GPALPP1: variants seen among roughly 807,000 people sequenced by gnomAD.
The protein encoded by GPALPP1 is GPALPP motifs-containing protein 1.
A neutral mutation model predicts 38.9 loss-of-function variants in GPALPP1; 30 were observed. The ratio of observed to expected loss-of-function variants is 0.77; its 90% CI spans 0.58 to 1.05. The LOEUF is 1.05. Ranked by LOEUF, GPALPP1 falls within the 50% of genes least tolerant of loss-of-function variation. The pLI is 0.00. For synonymous variants in GPALPP1, 120 were observed against 139.2 expected (o/e 0.86, Z 0.97); for missense variants, 384 against 408.8 (o/e 0.94, Z 0.52).
chr13:45,018,710 C>A (rs1344429251), intron 6 of GPALPP1, among the ~76,000 whole-genome samples: 1 of 151,638 alleles, frequency 6.6e-6, no homozygotes, highest in East Asian at 1.9e-4. Context: ...TGCTTAGAGA[C>A]CAGTGGTTTT....
chr13:44,993,736 C>G (rs1873030847), intron 1 of GPALPP1, among the ~76,000 whole-genome samples: 1 of 150,740 alleles, frequency 6.6e-6, no homozygotes, highest in South Asian at 2.1e-4. Context: ...AGCAGCTGCA[C>G]CATTTTACAT....
intron 6 of GPALPP1, 145 bp downstream of exon 6, chr13:45,015,741 T>C (rs1874820445): frequency 4.0e-6 from 2 of 504,406 alleles, no homozygotes; most frequent in African/African-American, 2.0e-5. Flanking sequence ...GGAGGAAGAG[T>C]ATGAGGAAGG....
downstream of GPALPP1, chr13:45,034,624 A>G (rs1019563471): frequency 6.6e-6 from 1 of 152,028 alleles, no homozygotes; most frequent in Non-Finnish European, 1.5e-5. Context: ...TTGGGTCTTC[A>G]TAGTGTCTAC....
intron 4 of GPALPP1, among the ~76,000 whole-genome samples, chr13:45,014,672 A>G (rs546123688): frequency 3.3e-5 from 5 of 152,264 alleles, no homozygotes; most frequent in Admixed American, 1.3e-4. Context: ...CTAAGTCTAC[A>G]TCTGTGTCCT....
chr13:44,990,320 T>G (rs996737045), intron 1 of GPALPP1: 2 of 179,738 alleles, frequency 1.1e-5, no homozygotes, highest in Non-Finnish European at 2.3e-5. Context: ...GCTCTAGGCT[T>G]CTGGGCTTCC....
rs34893767 is a variant in GPALPP1, at chr13:45,019,879, A to ATTTTT, written c.706-432_706-428dup. Among the ~76,000 whole-genome samples, 30 of 85,574 alleles carry ATTTTT rather than the reference A, an allele frequency of 3.5e-4. 1 individual carries two copies. Among genetic ancestry groups the ATTTTT allele is most frequent in the East Asian group, 7.7e-4 (2 of 2,600 alleles). 56.1% of individuals were successfully genotyped at this position (85,574 alleles called of 152,430 possible). ...TCTTATCAAGTATGTTAATATTTTG[A>ATTTTT]TTTTTTTTTTTTTTTTTTTTTTTGA... On this transcript the variant is annotated intron_variant, in intron 6 of 7. Coordinates refer to ENST00000379151, the MANE Select transcript of GPALPP1 (RefSeq NM_018559.5).
At chr13:45,000,220 C>T (rs1185404862) in intron 1 of GPALPP1, among the ~76,000 whole-genome samples, 2 of 151,920 alleles carry the variant, frequency 1.3e-5, no homozygotes, top group African/African-American at 2.4e-5. Flanking sequence ...CGTTCAAGAC[C>T]AAGCTGGACA....
intron 1 of GPALPP1, among the ~76,000 whole-genome samples, chr13:45,003,016 T>G (rs918325583): frequency 1.3e-5 from 2 of 152,226 alleles, no homozygotes; most frequent in African/African-American, 4.8e-5. Context: ...TCTTAATTCT[T>G]TTAATGTTTG....
At chr13:44,995,169 A>AAAACACACAC (rs1873160259) in intron 1 of GPALPP1, among the ~76,000 whole-genome samples, 1 of 128,534 alleles carries the variant, frequency 7.8e-6, no homozygotes, top group Non-Finnish European at 1.6e-5. Flanking sequence ...CCTATCTTTA[A>AAAACACACAC]ACACACACAC....
At chr13:44,993,843 A>T (rs1873044467) in intron 1 of GPALPP1, among the ~76,000 whole-genome samples, 1 of 150,440 alleles carries the variant, frequency 6.6e-6, no homozygotes, top group Non-Finnish European at 1.5e-5. Context: ...AGTCATCCTA[A>T]TGAGTGTGAA....
chr13:45,009,434 T>G (rs945082839), intron 4 of GPALPP1, among the ~76,000 whole-genome samples: 8 of 152,204 alleles, frequency 5.3e-5, no homozygotes, highest in Admixed American at 2.0e-4. Context: ...ATTTTCCCTG[T>G]ATGTGGACCT....
Position 45,014,996 on chromosome 13 carries a change from T to C in GPALPP1, c.453T>C (p.Pro151=). The part of the protein sequence containing the change: ...SEDEDIIGPM[P]AKGPVNYNVT... Reference sequence around the variant, plus strand: ...ATGAGGATATTATTGGACCAATGCCTGCAAAAGGACCAGTTAACTATAATG... The same window carrying C: ...ATGAGGATATTATTGGACCAATGCCCGCAAAAGGACCAGTTAACTATAATG... Residue 151 remains proline, a synonymous_variant, in exon 5 of 8, where the codon CCT becomes CCC. Coordinates refer to ENST00000379151, the MANE Select transcript of GPALPP1 (RefSeq NM_018559.5). 6.2e-7 allele frequency: 1 copy of C among 1,605,936 alleles called. No individual in the cohort carries two copies. The highest frequency in any genetic ancestry group is 8.5e-7 in the Non-Finnish European group (1 of 1,173,830).
At chr13:45,031,038 C>T (rs1876171802), downstream of GPALPP1, 1 of 152,118 alleles carries the variant, frequency 6.6e-6, no homozygotes, top group Admixed American at 6.5e-5. Context: ...TGCCTGTAAT[C>T]CCAGCTACTC....
intron 1 of GPALPP1, among the ~76,000 whole-genome samples, chr13:44,993,254 T>C (rs1465128996): frequency 6.6e-6 from 1 of 152,200 alleles, no homozygotes; most frequent in African/African-American, 2.4e-5. Flanking sequence ...TGAACATGGG[T>C]GTACAAATAA....
chr13:45,018,135 C>G (rs1356586220), intron 6 of GPALPP1, among the ~76,000 whole-genome samples: 1 of 152,166 alleles, frequency 6.6e-6, no homozygotes, highest in Admixed American at 6.5e-5. Flanking sequence ...TGGTGGCTCA[C>G]GCCTGTAATC....
intron 6 of GPALPP1, among the ~76,000 whole-genome samples, chr13:45,018,154 T>A (rs1875003606): frequency 6.6e-6 from 1 of 152,134 alleles, no homozygotes; most frequent in African/African-American, 2.4e-5. Context: ...TCCTAACACT[T>A]TGGGAGGCTG....
intron 1 of GPALPP1, among the ~76,000 whole-genome samples, chr13:44,998,853 C>T (rs1018796943): frequency 6.6e-6 from 1 of 152,066 alleles, no homozygotes; most frequent in Non-Finnish European, 1.5e-5. Flanking sequence ...CAGGTTCAAC[C>T]AACTCTAGAT....
At chr13:45,032,246 T>C (rs1876233451), downstream of GPALPP1, 4 of 151,624 alleles carry the variant, frequency 2.6e-5, no homozygotes, top group South Asian at 8.3e-4. Context: ...CACAACATGG[T>C]AAATTAAGTC....
In GPALPP1 at chr13:45,029,794, T is replaced by C. The variant is rs1437369804; in HGVS notation, c.*1791T>C. On this transcript the variant is annotated 3_prime_UTR_variant, in exon 8 of 8. Coordinates refer to ENST00000379151, the MANE Select transcript of GPALPP1 (RefSeq NM_018559.5). ...TCAGGGCTTTTTATTTGTTATTTAA[T>C]TTTTTAATTGTTTTTAAGTCAGAAA... 6.6e-6 allele frequency: 1 copy of C among 152,234 alleles called. No homozygotes were observed. Among genetic ancestry groups the C allele is most frequent in the Non-Finnish European group, 1.5e-5 (1 of 68,040 alleles). 9.4% of individuals were successfully genotyped at this position (152,234 alleles called of 1,614,324 possible). A position where few individuals can be genotyped will look rare whatever the true frequency, so the allele number is the denominator to read the frequency against.
Sources: gnomAD v4.1 joint callset for allele counts (sites outside exome capture counted in the v4.1 genomes callset) on GRCh38, gnomAD v4.1.1 for gene constraint, MANE v1.5 for transcripts, NCBI Gene and HGNC (gene_info 2026-07-23, HGNC 2026-07-21) for gene names.